Variants in ELMOD3 observed in about 807,000 individuals in gnomAD.
The protein encoded by ELMOD3 is ELMO domain containing 3.
A neutral mutation model predicts 47.4 loss-of-function variants in ELMOD3; 36 were observed. The observed-to-expected ratio is 0.76, with a 90% CI of 0.58 to 1.00. The LOEUF (loss-of-function observed/expected upper bound fraction) is 1.00, where lower values mean the gene tolerates loss of function less well. Ranked by LOEUF, ELMOD3 falls within the 50% of genes least tolerant of loss-of-function variation. The pLI, the probability that ELMOD3 is intolerant of heterozygous loss-of-function variation, is 0.00. For synonymous variants in ELMOD3, 149 were observed against 183.5 expected, an observed-to-expected ratio of 0.81 and a Z score of 1.52; for missense variants, 404 against 463.8, an observed-to-expected ratio of 0.87 and a Z score of 1.18.
chr2:85,381,553 A>G (rs141796371), intron 11 of ELMOD3, among the ~76,000 whole-genome samples: 37 of 152,356 alleles, frequency 2.4e-4, no homozygotes, highest in African/African-American at 8.2e-4. Flanking sequence ...TAATGCTTCA[A>G]GAAAATCTTG....
chr2:85,382,847 C>T (rs928328934), intron 11 of ELMOD3, among the ~76,000 whole-genome samples: 1 of 151,172 alleles, frequency 6.6e-6, no homozygotes, highest in African/African-American at 2.4e-5. Flanking sequence ...GAAAGATACA[C>T]GGATGTAATA....
At chr2:85,374,936 C>A (rs990816793) in intron 10 of ELMOD3, among the ~76,000 whole-genome samples, 5 of 152,004 alleles carry the variant, frequency 3.3e-5, no homozygotes, top group South Asian at 2.1e-4. Context: ...TGGTGAAACC[C>A]CATCTCTACT....
At chr2:85,361,831 T>C (rs1421139141) in intron 4 of ELMOD3, among the ~76,000 whole-genome samples, 2 of 151,780 alleles carry the variant, frequency 1.3e-5, no homozygotes, top group African/African-American at 4.8e-5. Flanking sequence ...CTCGGAAGGC[T>C]GAGGCAGGAG....
At chr2:85,390,557 C>A (rs1161783283) in intron 13 of ELMOD3, 24 of 1,563,398 alleles carry the variant, frequency 1.5e-5, no homozygotes, top group Middle Eastern at 1.7e-4. Context: ...ATTGTGCAGA[C>A]AAGGTAGAGT....
In ELMOD3 at chr2:85,368,710, C is replaced by G; in HGVS notation, c.224C>G (p.Ala75Gly). 1 of 1,614,042 alleles carries G rather than the reference C, an allele frequency of 6.2e-7. No individual in the cohort carries two copies. Among genetic ancestry groups the G allele is most frequent in the Non-Finnish European group, 8.5e-7 (1 of 1,179,992 alleles). ...GTTGTGAGTACAGAGGTGGTCAGAG[C>G]CCAAGAAGAATGGGAAGCTGTGGAC... ...PRVVSTEVVR[A>G]QEEWEAVDTI... is the part of the protein sequence containing the mutation. The change falls in exon 7 of 14, where the codon GCC (alanine) becomes GGC (glycine). Residue 75 changes from alanine to glycine, a missense_variant. Physicochemically the swap from Ala to Gly is moderately conservative, Grantham distance 60. Transcript: ENST00000409013.
chr2:85,383,655 G>T (rs1305741785), intron 11 of ELMOD3, among the ~76,000 whole-genome samples: 2 of 152,088 alleles, frequency 1.3e-5, no homozygotes, highest in Non-Finnish European at 2.9e-5. Context: ...GGAGATCAGG[G>T]ATTCTCTGGA....
chr2:85,385,428 GGTT>G (rs1685857129), intron 11 of ELMOD3, among the ~76,000 whole-genome samples: 1 of 152,204 alleles, frequency 6.6e-6, no homozygotes, highest in Non-Finnish European at 1.5e-5. Flanking sequence ...AGTCAAAGGG[GGTT>G]GTTCTCTGGC....
rs950938622 is a variant in ELMOD3 at position 85,368,594 on chromosome 2, A to G, written c.200-92A>G. Reference sequence around the variant, plus strand: ...CACCCCATCTCTTAAAAAAAAAAATAGGCCCAAGGCAGGCAGACAAGGCTG... The same window carrying G: ...CACCCCATCTCTTAAAAAAAAAAATGGGCCCAAGGCAGGCAGACAAGGCTG... On this transcript the variant is annotated intron_variant, in intron 6 of 13. Coordinates refer to ENST00000409013, the MANE Select transcript of ELMOD3 (RefSeq NM_001135022.2). 4.7e-6 allele frequency: 6 copies of G among 1,280,142 alleles called. No homozygotes were observed. In the African/African-American group the frequency reaches 6.0e-5, roughly 13 times the overall value. 79.3% of individuals were successfully genotyped at this position (1,280,142 alleles called of 1,614,324 possible). A position where few individuals can be genotyped will look rare whatever the true frequency, so the allele number is the denominator to read the frequency against.
intron 5 of ELMOD3, among the ~76,000 whole-genome samples, chr2:85,362,644 G>GT (rs1189164344): frequency 2.6e-5 from 4 of 152,164 alleles, no homozygotes; most frequent in African/African-American, 9.6e-5. Context: ...TTCAAGGCCA[G>GT]TAAGTGGCTC....
At chr2:85,374,705 G>A (rs182949011) in intron 10 of ELMOD3, among the ~76,000 whole-genome samples, 264 of 152,258 alleles carry the variant, frequency 1.7e-3, no homozygotes, top group Non-Finnish European at 3.2e-3. Context: ...CCAGCTACTG[G>A]GGAGGCTGAG....
At chr2:85,371,247 C>T (rs1684768798) in intron 9 of ELMOD3, 38 bp downstream of exon 9, 1 of 1,614,174 alleles carries the variant, frequency 6.2e-7, no homozygotes, top group Non-Finnish European at 8.5e-7. Context: ...GTTGCTGCAT[C>T]TGTGGTTGGG....
intron 11 of ELMOD3, 52 bp from the exon 12 acceptor site, chr2:85,389,697 AGG>A: frequency 6.6e-7 from 1 of 1,514,934 alleles, no homozygotes; most frequent in Non-Finnish European, 9.2e-7. Context: ...TGCAGATGAC[AGG>A]AAACACAGTG....
chr2:85,363,304 A>G (rs1252803508), intron 6 of ELMOD3, 138 bp downstream of exon 6: 1 of 618,222 alleles, frequency 1.6e-6, no homozygotes, highest in African/African-American at 1.9e-5. Flanking sequence ...TTGGGGAAAA[A>G]TAGAATCAAC....
At chr2:85,360,143 G>C (rs1016377543) in intron 4 of ELMOD3, among the ~76,000 whole-genome samples, 1 of 151,714 alleles carries the variant, frequency 6.6e-6, no homozygotes, top group African/African-American at 2.4e-5. Flanking sequence ...GCGCATGCCT[G>C]TAATCCCAGC....
rs1403304580 is a variant in ELMOD3 at position 85,391,264 on chromosome 2, G to A, written c.*302G>A. Reference sequence around the variant, plus strand: ...ATCCCACTGGGAGTGAATGGATCATGAGGTGGGATGGCCCCATCTGGATGT... The same window carrying A: ...ATCCCACTGGGAGTGAATGGATCATAAGGTGGGATGGCCCCATCTGGATGT... On this transcript the variant is annotated 3_prime_UTR_variant, in exon 14 of 14. Transcript: ENST00000409013. The A allele has an allele frequency of 2.6e-5, 8 of 305,392 alleles. 1 individual carries two copies. Among genetic ancestry groups the A allele is most frequent in the South Asian group, 2.6e-4 (6 of 23,152 alleles). The allele number at this position is 305,392 out of a possible 1,614,324, so 18.9% of individuals were successfully genotyped here.
In ELMOD3 at chr2:85,390,160, G is replaced by A; in HGVS notation, c.838G>A (p.Val280Ile). 1 of 1,614,186 alleles carries A rather than the reference G, an allele frequency of 6.2e-7. No homozygotes were observed. Among genetic ancestry groups the A allele is most frequent in the Non-Finnish European group, 8.5e-7 (1 of 1,180,028 alleles). Residue 280 changes from valine to isoleucine, a missense_variant, in exon 13 of 14, where the codon GTC becomes ATC. Val to Ile is a conservative substitution (Grantham distance 29). Coordinates refer to ENST00000409013, the MANE Select transcript of ELMOD3 (RefSeq NM_001135022.2). ...LSRECNRQQK[V>I]IPVVNSFYAA... The stretch of plus-strand genomic sequence containing the variant: ...CAGAGAGTGTAATCGGCAGCAGAAG[G>A]TCATCCCCGTGGTGAACAGCTTCTA...
At chr2:85,368,013 G>A (rs1234190972) in intron 6 of ELMOD3, among the ~76,000 whole-genome samples, 5 of 151,842 alleles carry the variant, frequency 3.3e-5, no homozygotes, top group African/African-American at 1.2e-4. Flanking sequence ...CCGCGTTCAC[G>A]CATTCTCCTG....
chr2:85,359,957 C>T (rs1016387723), intron 4 of ELMOD3, among the ~76,000 whole-genome samples: 1 of 151,898 alleles, frequency 6.6e-6, no homozygotes, highest in Non-Finnish European at 1.5e-5. Flanking sequence ...CCTGTGGTCC[C>T]AGCTGCTTGG....
At chr2:85,367,188 T>G (rs1385254887) in intron 6 of ELMOD3, among the ~76,000 whole-genome samples, 2 of 152,190 alleles carry the variant, frequency 1.3e-5, no homozygotes, top group Non-Finnish European at 2.9e-5. Flanking sequence ...TAGCTCACTG[T>G]GGAGTAGGAG....
Sources: allele counts gnomAD v4.1 joint callset (sites outside exome capture counted in the v4.1 genomes callset), GRCh38; gene constraint gnomAD v4.1.1; transcripts MANE v1.5; gene names NCBI Gene and HGNC (gene_info 2026-07-23, HGNC 2026-07-21).